RBFOX1: variants seen among roughly 807,000 people sequenced by gnomAD.
The protein encoded by RBFOX1 is RNA binding fox-1 homolog 1.
Under a neutral mutation model 57.7 loss-of-function variants are expected in RBFOX1, and 8 were observed. That is an observed-to-expected ratio of 0.14 (90% CI 0.08 to 0.25). The LOEUF (loss-of-function observed/expected upper bound fraction) is 0.25, where lower values mean the gene tolerates loss of function less well. Among genes scored for constraint, RBFOX1 ranks in the 10% least tolerant of loss-of-function variants. RBFOX1 has a pLI of 1.00. For synonymous variants in RBFOX1, 326 were observed against 222.4 expected (o/e 1.47, Z -4.15); for missense variants, 611 against 548.5 (o/e 1.11, Z -1.14).
At chr16:6,986,184 T>TTTAATTTATTTA (rs752491485) in intron 3 of RBFOX1, among the ~76,000 whole-genome samples, 1 of 144,142 alleles carries the variant, frequency 6.9e-6, no homozygotes, top group Admixed American at 6.9e-5. Flanking sequence ...CAATTTCTAT[T>TTTAATTTATTTA]TTTATTTATT....
intron 3 of RBFOX1, among the ~76,000 whole-genome samples, chr16:5,730,897 T>C (rs1322102199): frequency 6.6e-6 from 1 of 152,080 alleles, no homozygotes; most frequent in African/African-American, 2.4e-5. Flanking sequence ...GCCACTGTCA[T>C]CACCATCAAC....
intron 3 of RBFOX1, among the ~76,000 whole-genome samples, chr16:6,737,158 A>G (rs1293808049): frequency 1.3e-5 from 2 of 152,240 alleles, no homozygotes; most frequent in African/African-American, 2.4e-5. Flanking sequence ...GCAAAGCTGT[A>G]AAGAATATTG....
At chr16:6,550,798 T>C (rs1318605114) in intron 2 of RBFOX1, among the ~76,000 whole-genome samples, 1 of 152,234 alleles carries the variant, frequency 6.6e-6, no homozygotes, top group Non-Finnish European at 1.5e-5. Flanking sequence ...CAGAGTACTG[T>C]TTTGTGATTC....
chr16:7,445,671 A>G lies in RBFOX1; in HGVS notation c.28-72476A>G, dbSNP rs964920573. ...TAGAAATTCAAAATACAAGATCTAC[A>G]TGGTACCACAGTTTTTGTTGCTGTT... On this transcript the variant is annotated intron_variant, in intron 4 of 15. Coordinates refer to ENST00000550418, the MANE Select transcript of RBFOX1 (RefSeq NM_018723.4). Among the ~76,000 whole-genome samples, 12 of 152,146 alleles carry G rather than the reference A, an allele frequency of 7.9e-5. No homozygotes were observed. The South Asian group carries it at 1.9e-3, about 24-fold the overall frequency.
chr16:5,549,850 A>G (rs530133812), intron 2 of RBFOX1, among the ~76,000 whole-genome samples: 30 of 152,276 alleles, frequency 2.0e-4, no homozygotes, highest in Admixed American at 1.6e-3. Flanking sequence ...AAGCAGTGTC[A>G]TCTGAGATGG....
At chr16:6,683,768 G>T (rs2059021638) in intron 3 of RBFOX1, among the ~76,000 whole-genome samples, 1 of 152,134 alleles carries the variant, frequency 6.6e-6, no homozygotes, top group Admixed American at 6.5e-5. Context: ...ATGGAGCTTT[G>T]CGGTCAGACA....
At chr16:6,894,076 T>A (rs1467311973) in intron 3 of RBFOX1, among the ~76,000 whole-genome samples, 1 of 152,058 alleles carries the variant, frequency 6.6e-6, no homozygotes, top group Non-Finnish European at 1.5e-5. Context: ...AATAGATAGA[T>A]ACTGGATCGA....
rs139995543 is a variant in RBFOX1, at chr16:6,933,405, C to T, written c.-15-118652C>T. Among the ~76,000 whole-genome samples, 80 of 152,338 alleles carry T rather than the reference C, an allele frequency of 5.3e-4. No homozygotes were observed. The East Asian group carries it at 0.014, about 27-fold the overall frequency. ...CCACATCATTGCCAACACTTATATT[C>T]AATTTTCAGAAATAATGGCCATCCT... On this transcript the variant is annotated intron_variant, in intron 3 of 15. Coordinates refer to ENST00000550418, the MANE Select transcript of RBFOX1 (RefSeq NM_018723.4).
chr16:7,080,985 C>T lies in RBFOX1; in HGVS notation c.27+28887C>T, dbSNP rs115077015. On this transcript the variant is annotated intron_variant, in intron 4 of 15. Coordinates refer to ENST00000550418, the MANE Select transcript of RBFOX1 (RefSeq NM_018723.4). ...AAGCTCTGCATGAACTGGTCTTTAC[C>T]TCACTTCCCCTCCTCAGCCCTTGCG... 4.5e-3 allele frequency among the ~76,000 whole-genome samples: 689 copies of T among 152,314 alleles called. 4 individuals are homozygous for T. The highest frequency in any genetic ancestry group is 0.016 in the African/African-American group (646 of 41,556).
intron 2 of RBFOX1, among the ~76,000 whole-genome samples, chr16:5,527,010 G>A (rs907927406): frequency 6.6e-6 from 1 of 152,192 alleles, no homozygotes; most frequent in Admixed American, 6.5e-5. Flanking sequence ...TAATGAGTGT[G>A]AAGTGTTCAG....
Position 7,079,975 on chromosome 16 carries a change from T to A in RBFOX1, c.27+27877T>A, listed in dbSNP as rs151037579. 9.8e-3 allele frequency among the ~76,000 whole-genome samples: 1,478 copies of A among 150,180 alleles called. 30 individuals carry two copies. Among genetic ancestry groups the A allele is most frequent in the African/African-American group, 0.034 (1,392 of 41,028 alleles). Reference sequence around the variant, plus strand: ...AATGCAGCTGAACTATGCATTTAAATTAGTTAAAATATTAAATTCATTGTG... The same window carrying A: ...AATGCAGCTGAACTATGCATTTAAAATAGTTAAAATATTAAATTCATTGTG... On this transcript the variant is annotated intron_variant, in intron 4 of 15. Transcript: ENST00000550418.
At chr16:7,021,230 T>C (rs953863006) in intron 3 of RBFOX1, among the ~76,000 whole-genome samples, 1 of 151,924 alleles carries the variant, frequency 6.6e-6, no homozygotes, top group African/African-American at 2.4e-5. Context: ...TTGTTTCTTA[T>C]GTGTTGCGTC....
chr16:5,440,193 C>G (rs191093136), intron 1 of RBFOX1, among the ~76,000 whole-genome samples: 1 of 152,340 alleles, frequency 6.6e-6, no homozygotes, highest in East Asian at 1.9e-4. Context: ...TCTATTCACA[C>G]CGCCATAACA....
rs113940958 is a variant in RBFOX1 at position 7,263,815 on chromosome 16, G to A, written c.27+211717G>A. Among the ~76,000 whole-genome samples, 549 of 151,712 alleles carry A rather than the reference G, an allele frequency of 3.6e-3. 5 individuals are homozygous for A. Among genetic ancestry groups the A allele is most frequent in the African/African-American group, 0.013 (520 of 41,348 alleles). On this transcript the variant is annotated intron_variant, in intron 4 of 15. Coordinates refer to ENST00000550418, the MANE Select transcript of RBFOX1 (RefSeq NM_018723.4). ...AGAGGTAGGCTGAGGCGGGAGAATCGCTTGAACCCAGAAGGCGGAGGTTGT... is the reference window on the plus strand; with the variant it reads ...AGAGGTAGGCTGAGGCGGGAGAATCACTTGAACCCAGAAGGCGGAGGTTGT...
chr16:6,439,659 A>G (rs2094325919), intron 2 of RBFOX1, among the ~76,000 whole-genome samples: 1 of 152,108 alleles, frequency 6.6e-6, no homozygotes, highest in South Asian at 2.1e-4. Context: ...GCTCAGAACT[A>G]CTTCTAGTTG....
At chr16:6,812,531 G>T (rs554236710) in intron 3 of RBFOX1, among the ~76,000 whole-genome samples, 1 of 151,996 alleles carries the variant, frequency 6.6e-6, no homozygotes, top group East Asian at 1.9e-4. Flanking sequence ...ATGACACCAC[G>T]CCCAGCTAAT....
At chr16:6,936,219 T>A (rs72772293) in intron 3 of RBFOX1, among the ~76,000 whole-genome samples, 17,030 of 152,244 alleles carry the variant, frequency 0.11, 1,176 homozygotes, top group East Asian at 0.16. Context: ...TTTTGAATAT[T>A]AAATTAGAAT....
At chr16:5,247,850 T>C (rs867326865) in intron 1 of RBFOX1, among the ~76,000 whole-genome samples, 1 of 152,168 alleles carries the variant, frequency 6.6e-6, no homozygotes, top group Non-Finnish European at 1.5e-5. Context: ...ACCCTTGAAA[T>C]GTACACAGGT....
intron 1 of RBFOX1, among the ~76,000 whole-genome samples, chr16:6,211,159 G>A (rs2097294473): frequency 1.4e-5 from 2 of 146,900 alleles, no homozygotes; most frequent in African/African-American, 5.0e-5. Context: ...GAGTGTTTTT[G>A]CTTCCATGAG....
Sources: allele counts gnomAD v4.1 joint callset (sites outside exome capture counted in the v4.1 genomes callset), GRCh38; gene constraint gnomAD v4.1.1; transcripts MANE v1.5; gene names NCBI Gene and HGNC (gene_info 2026-07-23, HGNC 2026-07-21).